Variants in TAFA5 observed in about 807,000 individuals in gnomAD.
The protein encoded by TAFA5 is chemokine-like protein TAFA-5.
In TAFA5, 6 loss-of-function variants were observed where a neutral mutation model predicts 15.3. The ratio of observed to expected loss-of-function variants is 0.39; its 90% confidence interval spans 0.21 to 0.77. The LOEUF (loss-of-function observed/expected upper bound fraction) is 0.77. Among genes scored for constraint, TAFA5 ranks in the 30% least tolerant of loss-of-function variants. The pLI, the probability that TAFA5 is intolerant of heterozygous loss-of-function variation, is 0.41. For missense variants in TAFA5, 161 were observed against 193.1 expected (o/e 0.83, Z 0.98); for synonymous variants, 103 against 80.7 (o/e 1.28, Z -1.48).
intron 1 of TAFA5, among the ~76,000 whole-genome samples, chr22:48,614,251 A>C (rs1453766757): frequency 1.3e-5 from 2 of 152,168 alleles, no homozygotes; most frequent in African/African-American, 4.8e-5. Context: ...CATAGATACA[A>C]AACCGTGAAG....
chr22:48,539,504 T>G, intron 1 of TAFA5: 1 of 470,444 alleles, frequency 2.1e-6, no homozygotes, highest in Admixed American at 2.3e-5. Flanking sequence ...CGGAGTTACA[T>G]TTAGACGGGT....
chr22:48,733,712 G>T (rs1414492247), intron 3 of TAFA5, among the ~76,000 whole-genome samples: 1 of 152,072 alleles, frequency 6.6e-6, no homozygotes, highest in African/African-American at 2.4e-5. Flanking sequence ...CTGTGGTGTA[G>T]ATCTGTGTTC....
chr22:48,570,727 A>G (rs1364087165), intron 1 of TAFA5, among the ~76,000 whole-genome samples: 1 of 152,224 alleles, frequency 6.6e-6, no homozygotes, highest in Admixed American at 6.5e-5. Context: ...TTGAGAATTT[A>G]CATTTCGCTT....
intron 1 of TAFA5, among the ~76,000 whole-genome samples, chr22:48,639,649 G>GC (rs1242083362): frequency 6.6e-6 from 1 of 152,128 alleles, no homozygotes; most frequent in Non-Finnish European, 1.5e-5. Flanking sequence ...ACATGCAGGT[G>GC]CCCCCACTGC....
chr22:48,716,287 G>C (rs1037046119), intron 3 of TAFA5, among the ~76,000 whole-genome samples: 8 of 152,200 alleles, frequency 5.3e-5, no homozygotes, highest in African/African-American at 1.9e-4. Context: ...ATCAATGATA[G>C]ACTGGATAAA....
At position 48,541,527 on chromosome 22, in the gene TAFA5, T is replaced by C. The variant is rs1922372471; in HGVS notation, c.112+51823T>C. On this transcript the variant is annotated intron_variant, in intron 1 of 3. Transcript: ENST00000402357. The stretch of plus-strand genomic sequence containing the variant: ...GTTCAGCCTCGGCCGGCTGCTGTTT[T>C]CCTTGTCCCAGGTGTGAGGAGCCCA... Among the ~76,000 whole-genome samples the C allele has an allele frequency of 3.3e-5, 5 of 152,186 alleles. No homozygotes were observed. In the South Asian group the frequency reaches 1.0e-3, roughly 32 times the overall value.
intron 1 of TAFA5, among the ~76,000 whole-genome samples, chr22:48,632,459 C>A (rs1410749374): frequency 6.7e-6 from 1 of 150,178 alleles, no homozygotes; most frequent in Non-Finnish European, 1.5e-5. Context: ...AGAGTTACAC[C>A]CTGAGGTCCA....
chr22:48,717,835 C>T (rs926190744), intron 3 of TAFA5, among the ~76,000 whole-genome samples: 2 of 152,208 alleles, frequency 1.3e-5, no homozygotes, highest in Non-Finnish European at 2.9e-5. Flanking sequence ...GAAGAGGGTC[C>T]ACCCAGGTCC....
At chr22:48,693,614 C>T (rs1401805558) in intron 2 of TAFA5, among the ~76,000 whole-genome samples, 3 of 152,210 alleles carry the variant, frequency 2.0e-5, no homozygotes, top group African/African-American at 4.8e-5. Flanking sequence ...TTTCTGCCTT[C>T]GTCCCGTCCT....
In TAFA5 at chr22:48,560,156, C is replaced by T. The variant is rs1923179646; in HGVS notation, c.112+70452C>T. Among the ~76,000 whole-genome samples, 1 of 152,204 alleles carries T rather than the reference C, an allele frequency of 6.6e-6. No homozygotes were observed. The highest frequency in any genetic ancestry group is 1.5e-5 in the Non-Finnish European group (1 of 68,030). On this transcript the variant is annotated intron_variant, in intron 1 of 3. Coordinates refer to ENST00000402357, the MANE Select transcript of TAFA5 (RefSeq NM_001082967.3). This position sits in a 1 kb window ranked among gnomAD's most constrained non-coding sequence, Gnocchi z 4.2. Reference sequence around the variant, plus strand: ...AAGCCGAGTCCTTGTAGGGGAGGAGCGTCACTGCTCTCAGCAGGGGACCGT... The same window carrying T: ...AAGCCGAGTCCTTGTAGGGGAGGAGTGTCACTGCTCTCAGCAGGGGACCGT...
chr22:48,709,768 G>C (rs569408951), intron 3 of TAFA5, among the ~76,000 whole-genome samples: 1 of 152,358 alleles, frequency 6.6e-6, no homozygotes, highest in South Asian at 2.1e-4. Context: ...GGAGTCCACA[G>C]ACCCTGTGAG....
chr22:48,511,914 C>A (rs917025109), intron 1 of TAFA5, among the ~76,000 whole-genome samples: 1 of 152,208 alleles, frequency 6.6e-6, no homozygotes, highest in Non-Finnish European at 1.5e-5. Context: ...AGATGCGGAA[C>A]GGGGCTTGCT....
intron 1 of TAFA5, among the ~76,000 whole-genome samples, chr22:48,535,253 T>C (rs1922114952): frequency 6.6e-6 from 1 of 151,834 alleles, no homozygotes; most frequent in South Asian, 2.1e-4. Context: ...AAGTGTGTCT[T>C]TTCATCCACA....
intron 1 of TAFA5, among the ~76,000 whole-genome samples, chr22:48,646,110 C>A (rs1926852576): frequency 6.6e-6 from 1 of 152,164 alleles, no homozygotes; most frequent in African/African-American, 2.4e-5. Flanking sequence ...TTCCACACAA[C>A]TTTTGACAAG....
intron 2 of TAFA5, among the ~76,000 whole-genome samples, chr22:48,664,185 A>T (rs147023460): frequency 1.3e-5 from 2 of 152,330 alleles, no homozygotes; most frequent in African/African-American, 4.8e-5. Flanking sequence ...GATTGATGGC[A>T]GCTGGGTTTG....
intron 1 of TAFA5, among the ~76,000 whole-genome samples, chr22:48,597,483 C>G (rs897430407): frequency 1.3e-5 from 2 of 151,722 alleles, no homozygotes; most frequent in African/African-American, 2.4e-5. Context: ...CCATGGCCTG[C>G]ATCACCTGGG....
At chr22:48,688,355 A>T (rs1601673194) in intron 2 of TAFA5, among the ~76,000 whole-genome samples, 1 of 152,268 alleles carries the variant, frequency 6.6e-6, no homozygotes, top group South Asian at 2.1e-4. Flanking sequence ...AGAAAATTTT[A>T]TCTAATTTTA....
At chr22:48,531,766 A>G (rs1367066098) in intron 1 of TAFA5, among the ~76,000 whole-genome samples, 1 of 152,178 alleles carries the variant, frequency 6.6e-6, no homozygotes, top group Non-Finnish European at 1.5e-5. Context: ...GACTGCCCCC[A>G]GGACTGCACT....
chr22:48,553,267 C>T (rs554516573), intron 1 of TAFA5, among the ~76,000 whole-genome samples: 2 of 152,286 alleles, frequency 1.3e-5, no homozygotes, highest in Admixed American at 6.5e-5. Context: ...TCCGTGGAGG[C>T]CCCCATGCCC....
Sources: allele counts gnomAD v4.1 joint callset (sites outside exome capture counted in the v4.1 genomes callset), GRCh38; gene constraint gnomAD v4.1.1; non-coding constraint Gnocchi (gnomAD v3.1); transcripts MANE v1.5; gene names NCBI Gene and HGNC (gene_info 2026-07-23, HGNC 2026-07-21).